DCC: variants seen among roughly 807,000 people sequenced by gnomAD.
DCC encodes the protein DCC netrin 1 receptor, also known as netrin receptor DCC.
DCC carries 58 observed loss-of-function variants against 172.5 expected under a neutral mutation model. The observed-to-expected ratio is 0.34, with a 90% CI of 0.27 to 0.42. DCC has a LOEUF of 0.42. Ranked by LOEUF, DCC falls within the 10% of genes least tolerant of loss-of-function variation. The pLI is 1.00. For synonymous variants in DCC, 709 were observed against 644.5 expected (o/e 1.10, Z -1.52); for missense variants, 1,740 against 1,791.0 (o/e 0.97, Z 0.51).
At chr18:53,420,005 C>T (rs2145075669) in intron 21 of DCC, among the ~76,000 whole-genome samples, 1 of 152,144 alleles carries the variant, frequency 6.6e-6, no homozygotes, top group East Asian at 1.9e-4. Context: ...AAGTGCGTGC[C>T]ACCACACCTG....
chr18:52,607,570 A>G (rs926341468), intron 1 of DCC, among the ~76,000 whole-genome samples: 4 of 152,092 alleles, frequency 2.6e-5, no homozygotes, highest in African/African-American at 9.7e-5. Context: ...AACTGTCCTC[A>G]CCAGAGTCTT....
intron 2 of DCC, among the ~76,000 whole-genome samples, chr18:52,889,960 G>A (rs1249224266): frequency 1.3e-5 from 2 of 152,082 alleles, no homozygotes; most frequent in South Asian, 4.1e-4. Context: ...TACTATGCAA[G>A]ACAGTGTGAA....
intron 1 of DCC, among the ~76,000 whole-genome samples, chr18:52,529,259 C>T (rs1471337607): frequency 6.6e-6 from 1 of 152,186 alleles, no homozygotes; most frequent in Non-Finnish European, 1.5e-5. Flanking sequence ...ATTGCTCCGA[C>T]ATTTTAAGCA....
At chr18:53,221,683 A>G (rs962396260) in intron 12 of DCC, among the ~76,000 whole-genome samples, 1 of 152,190 alleles carries the variant, frequency 6.6e-6, no homozygotes, top group Non-Finnish European at 1.5e-5. Context: ...AAAGAAACCA[A>G]TTCATAAAAA....
At position 53,532,597 on chromosome 18, in the gene DCC, A is replaced by G. The variant is rs1368130095; in HGVS notation, c.*1944A>G. ...CATAATATTGAATTATTCAGAAATA[A>G]TCCATTACTTCAAAAAAGAAAATAT... On this transcript the variant is annotated 3_prime_UTR_variant, in exon 29 of 29. Coordinates refer to ENST00000442544, the MANE Select transcript of DCC (RefSeq NM_005215.4). 6.6e-6 allele frequency: 1 copy of G among 152,212 alleles called. No homozygotes were observed. Among genetic ancestry groups the G allele is most frequent in the East Asian group, 1.9e-4 (1 of 5,186 alleles). The allele number at this position is 152,212 out of a possible 1,614,324, so 9.4% of individuals were successfully genotyped here.
At chr18:53,073,200 C>T (rs777425486) in intron 7 of DCC, among the ~76,000 whole-genome samples, 6 of 151,818 alleles carry the variant, frequency 4.0e-5, no homozygotes, top group Non-Finnish European at 7.4e-5. Context: ...AAAATAATCA[C>T]GTTTTTATTG....
intron 28 of DCC, among the ~76,000 whole-genome samples, chr18:53,529,425 A>C (rs897699540): frequency 2.0e-5 from 3 of 152,180 alleles, no homozygotes; most frequent in Non-Finnish European, 4.4e-5. Context: ...TCAATCATTT[A>C]ATCAATGGAA....
At chr18:52,866,500 T>C (rs907120432) in intron 2 of DCC, among the ~76,000 whole-genome samples, 1 of 152,214 alleles carries the variant, frequency 6.6e-6, no homozygotes, top group Non-Finnish European at 1.5e-5. Context: ...ATTTTCACAA[T>C]ATTGATTCTT....
intron 15 of DCC, among the ~76,000 whole-genome samples, chr18:53,359,916 A>C (rs2057926375): frequency 6.6e-6 from 1 of 152,240 alleles, no homozygotes; most frequent in South Asian, 2.1e-4. Context: ...CTTCTGCATA[A>C]TATCATTTCC....
At chr18:52,922,475 G>A (rs1046010235) in intron 3 of DCC, among the ~76,000 whole-genome samples, 5 of 152,076 alleles carry the variant, frequency 3.3e-5, no homozygotes, top group Admixed American at 6.6e-5. Flanking sequence ...CTCACTCAGC[G>A]ATTCTCCTCA....
chr18:52,832,139 A>T (rs2038626036), intron 2 of DCC, among the ~76,000 whole-genome samples: 1 of 152,114 alleles, frequency 6.6e-6, no homozygotes, highest in Admixed American at 6.5e-5. Context: ...TATCCCAAAC[A>T]AAAAAGGGAA....
intron 22 of DCC, among the ~76,000 whole-genome samples, chr18:53,436,282 A>T (rs1223955909): frequency 5.9e-5 from 9 of 152,200 alleles, no homozygotes; most frequent in Non-Finnish European, 1.2e-4. Flanking sequence ...TGTGTTTACA[A>T]ATAGCTCTCA....
At chr18:52,508,333 T>A (rs1449046067) in intron 1 of DCC, among the ~76,000 whole-genome samples, 1 of 152,152 alleles carries the variant, frequency 6.6e-6, no homozygotes, top group Non-Finnish European at 1.5e-5. Flanking sequence ...TTATCATTAA[T>A]ACAAACATAC....
At chr18:52,755,403 G>A (rs1393827017) in intron 2 of DCC, among the ~76,000 whole-genome samples, 1 of 152,152 alleles carries the variant, frequency 6.6e-6, no homozygotes, top group Non-Finnish European at 1.5e-5. Flanking sequence ...AAAATACAGT[G>A]GCTTGGACTT....
chr18:52,839,869 G>C (rs1205541190), intron 2 of DCC, among the ~76,000 whole-genome samples: 1 of 152,200 alleles, frequency 6.6e-6, no homozygotes, highest in Non-Finnish European at 1.5e-5. Context: ...GAAGCTGAGT[G>C]TCAGACTCAT....
chr18:52,721,625 G>A (rs1289124511), intron 1 of DCC, among the ~76,000 whole-genome samples: 2 of 152,130 alleles, frequency 1.3e-5, no homozygotes, highest in Non-Finnish European at 2.9e-5. Flanking sequence ...ACTTCACTAA[G>A]GCACATATCA....
chr18:52,491,303 A>G (rs2030486585), intron 1 of DCC, among the ~76,000 whole-genome samples: 1 of 152,084 alleles, frequency 6.6e-6, no homozygotes, highest in African/African-American at 2.4e-5. Flanking sequence ...CTAATGGAGG[A>G]GAAATACAGG....
At chr18:52,666,717 A>G (rs2035464145) in intron 1 of DCC, among the ~76,000 whole-genome samples, 1 of 152,216 alleles carries the variant, frequency 6.6e-6, no homozygotes, top group Non-Finnish European at 1.5e-5. Flanking sequence ...CAATTTGTCT[A>G]AAGAAAATAA....
At chr18:53,524,132 A>C (rs747492597) in intron 27 of DCC, among the ~76,000 whole-genome samples, 3 of 152,030 alleles carry the variant, frequency 2.0e-5, no homozygotes, top group Non-Finnish European at 2.9e-5. Context: ...GAATTGATTG[A>C]AAGTGTTCTC....
Sources: allele counts gnomAD v4.1 joint callset (sites outside exome capture counted in the v4.1 genomes callset), GRCh38; gene constraint gnomAD v4.1.1; transcripts MANE v1.5; gene names NCBI Gene and HGNC (gene_info 2026-07-23, HGNC 2026-07-21).